The following EPB41L4A variants were observed in gnomAD, a reference collection of about 807,000 sequenced individuals.
The protein encoded by EPB41L4A is band 4.1-like protein 4A.
In EPB41L4A, 100 loss-of-function variants were observed where a neutral mutation model predicts 108.6. The ratio of observed to expected loss-of-function variants is 0.92; its 90% CI spans 0.78 to 1.09. The LOEUF (loss-of-function observed/expected upper bound fraction) is 1.09. Among genes scored for constraint, EPB41L4A ranks in the 50% least tolerant of loss-of-function variants. The pLI is 0.00. For synonymous variants in EPB41L4A, 319 were observed against 289.0 expected (o/e 1.10, Z -1.05); for missense variants, 1,030 against 842.7 (o/e 1.22, Z -2.75).
At chr5:112,385,844 G>T (rs1009786381) in intron 1 of EPB41L4A, among the ~76,000 whole-genome samples, 4 of 152,300 alleles carry the variant, frequency 2.6e-5, no homozygotes, top group Non-Finnish European at 4.4e-5. Context: ...CTCCTAGTGG[G>T]TGTTCAAATC....
intron 1 of EPB41L4A, among the ~76,000 whole-genome samples, chr5:112,332,553 G>A (rs191216227): frequency 1.3e-5 from 2 of 152,258 alleles, no homozygotes; most frequent in Admixed American, 1.3e-4. Context: ...ACTCTCTCTG[G>A]AGTCAGTCTT....
At chr5:112,262,340 C>T (rs1751552844) in intron 7 of EPB41L4A, among the ~76,000 whole-genome samples, 154 bp downstream of exon 7, 1 of 152,020 alleles carries the variant, frequency 6.6e-6, no homozygotes, top group Non-Finnish European at 1.5e-5. Flanking sequence ...GGGTTTAATC[C>T]ACACGAGAGC....
chr5:112,213,507 C>A (rs368181473), intron 12 of EPB41L4A, among the ~76,000 whole-genome samples: 42 of 152,160 alleles, frequency 2.8e-4, no homozygotes, highest in Middle Eastern at 3.4e-3. Flanking sequence ...CACCACCACG[C>A]CCGGCTAATT....
chr5:112,260,076 T>C (rs575972434), intron 7 of EPB41L4A, 97 bp from the exon 8 acceptor site: 8 of 886,526 alleles, frequency 9.0e-6, no homozygotes, highest in East Asian at 5.3e-5. Flanking sequence ...TACATTAATA[T>C]TGGATTTAAT....
chr5:112,288,831 C>CT lies in EPB41L4A; in HGVS notation c.205-8509dup, dbSNP rs543886138. Among the ~76,000 whole-genome samples the CT allele has an allele frequency of 6.9e-3, 996 of 143,352 alleles. 3 individuals carry two copies. Among genetic ancestry groups the CT allele is most frequent in the Middle Eastern group, 0.015 (4 of 274 alleles). 94.0% of individuals were successfully genotyped at this position (143,352 alleles called of 152,430 possible). On this transcript the variant is annotated intron_variant, in intron 2 of 22. Coordinates refer to ENST00000261486, the MANE Select transcript of EPB41L4A (RefSeq NM_022140.5). ...AGTCTGATTAGAGGAGATGATATAT[C>CT]TTTTTTTTTTTTTTATGATGGAGTC...
intron 16 of EPB41L4A, among the ~76,000 whole-genome samples, 189 bp downstream of exon 16, chr5:112,195,468 CAAAG>C (rs111764092): frequency 0.05 from 7,532 of 151,768 alleles, 461 homozygotes; most frequent in African/African-American, 0.15. Flanking sequence ...CTCTGAGACA[CAAAG>C]GAGCAGGAAA....
chr5:112,213,339 C>G (rs1029826725), intron 12 of EPB41L4A, among the ~76,000 whole-genome samples: 5 of 127,880 alleles, frequency 3.9e-5, no homozygotes, highest in African/African-American at 1.4e-4. Context: ...TTAACATGTA[C>G]AGTTTTTTTT....
intron 1 of EPB41L4A, among the ~76,000 whole-genome samples, chr5:112,371,769 A>G (rs1759512959): frequency 6.6e-6 from 1 of 152,180 alleles, no homozygotes; most frequent in Non-Finnish European, 1.5e-5. Context: ...AAGGATGAAG[A>G]ACACTCACCT....
intron 6 of EPB41L4A, 63 bp downstream of exon 6, chr5:112,264,833 T>C: frequency 6.6e-7 from 1 of 1,524,574 alleles, no homozygotes; most frequent in Non-Finnish European, 8.8e-7. Flanking sequence ...AAACTTTTCT[T>C]GTGAATATCA....
chr5:112,148,817 T>C (rs73787780), intron 12 of EPB41L4A, among the ~76,000 whole-genome samples: 349 of 152,340 alleles, frequency 2.3e-3, no homozygotes, highest in African/African-American at 7.2e-3. Context: ...CAAATCACTG[T>C]TGCCAGCAAT....
At chr5:112,419,513 C>A (rs775270577), upstream of EPB41L4A, 16 of 389,818 alleles carry the variant, frequency 4.1e-5, no homozygotes, top group Non-Finnish European at 7.1e-5. Context: ...GACGTCCTGG[C>A]GTCCGATCGG....
chr5:112,228,094 T>C (rs1748599169), intron 12 of EPB41L4A, among the ~76,000 whole-genome samples: 2 of 152,182 alleles, frequency 1.3e-5, no homozygotes, highest in Admixed American at 1.3e-4. Context: ...GAGTCACCTG[T>C]CACATGGTAG....
chr5:112,354,483 G>A (rs1758250364), intron 1 of EPB41L4A, among the ~76,000 whole-genome samples: 1 of 152,208 alleles, frequency 6.6e-6, no homozygotes, highest in Non-Finnish European at 1.5e-5. Context: ...ATAGAAAAAT[G>A]AGGGAAGCTC....
intron 1 of EPB41L4A, among the ~76,000 whole-genome samples, chr5:112,364,516 C>G (rs1758996664): frequency 6.6e-6 from 1 of 152,168 alleles, no homozygotes; most frequent in Non-Finnish European, 1.5e-5. Context: ...CACATTTTCA[C>G]TGGAAGTAAG....
chr5:112,284,408 C>A (rs1276707585), intron 2 of EPB41L4A, among the ~76,000 whole-genome samples: 3 of 152,028 alleles, frequency 2.0e-5, no homozygotes, highest in African/African-American at 7.2e-5. Context: ...TGAATTGTAC[C>A]CTGGTGTGCT....
intron 1 of EPB41L4A, among the ~76,000 whole-genome samples, chr5:112,328,800 A>G (rs1468458022): frequency 1.3e-5 from 2 of 152,266 alleles, no homozygotes; most frequent in Non-Finnish European, 1.5e-5. Context: ...TTGATACATT[A>G]GAATGAAACA....
At position 112,184,872 on chromosome 5, in the gene EPB41L4A, G is replaced by T. The variant is rs1208769343; in HGVS notation, c.1503-737C>A. Among the ~76,000 whole-genome samples, 3 of 152,072 alleles carry T rather than the reference G, an allele frequency of 2.0e-5. No homozygotes were observed. The East Asian group carries it at 5.8e-4, about 29-fold the overall frequency. ...TAAAAAAAGATAATCCCCAAATCTG[G>T]ATTCTTAAAGTGAACTCTTCTAATT... On this transcript the variant is annotated intron_variant, in intron 17 of 22. Coordinates refer to ENST00000261486, the MANE Select transcript of EPB41L4A (RefSeq NM_022140.5).
intron 12 of EPB41L4A, among the ~76,000 whole-genome samples, chr5:112,232,708 G>A (rs546462606): frequency 6.6e-6 from 1 of 152,120 alleles, no homozygotes; most frequent in Non-Finnish European, 1.5e-5. Context: ...TGTTAATATT[G>A]TTACTAAAAA....
At chr5:112,214,635 G>A (rs182905234) in intron 12 of EPB41L4A, among the ~76,000 whole-genome samples, 1 of 152,208 alleles carries the variant, frequency 6.6e-6, no homozygotes, top group African/African-American at 2.4e-5. Context: ...GTGTGGTGGT[G>A]GGCACCTGTA....
Sources: gnomAD v4.1 joint callset for allele counts (sites outside exome capture counted in the v4.1 genomes callset) on GRCh38, gnomAD v4.1.1 for gene constraint, MANE v1.5 for transcripts, NCBI Gene and HGNC (gene_info 2026-07-23, HGNC 2026-07-21) for gene names.